The following PRSS48 variants were observed in gnomAD, a reference collection of about 807,000 sequenced individuals.
PRSS48 encodes the protein epidermis-specific serine protease-like protein.
A neutral mutation model predicts 25.6 loss-of-function variants in PRSS48; 21 were observed. That is an observed-to-expected ratio of 0.82 (90% CI 0.58 to 1.18). The LOEUF (loss-of-function observed/expected upper bound fraction) is 1.18. Ranked by LOEUF, PRSS48 falls within the 50% of genes most tolerant of loss-of-function variation. PRSS48 has a pLI of 0.00. For synonymous variants in PRSS48, 150 were observed against 149.3 expected, an observed-to-expected ratio of 1.00 and a Z score of -0.04; for missense variants, 373 against 399.3, an observed-to-expected ratio of 0.93 and a Z score of 0.56.
At position 151,282,423 on chromosome 4, in the gene PRSS48, G is replaced by A. The variant is rs867906800; in HGVS notation, c.481+10G>A. ...GTTAAGGAAAGTTCAGGTGAGAATG[G>A]GCAGAGAGAAGGGTTGTTTCATATG... On this transcript the variant is annotated intron_variant, in intron 3 of 4. Coordinates refer to ENST00000455694, the Ensembl canonical transcript of PRSS48. The A allele has an allele frequency of 1.9e-6, 3 of 1,613,114 alleles. No homozygotes were observed. The highest frequency in any genetic ancestry group is 1.7e-6 in the Non-Finnish European group (2 of 1,179,386).
chr4:151,279,603 A>C (rs1375894148), intron 1 of PRSS48, among the ~76,000 whole-genome samples, 193 bp from the exon 2 acceptor site: 1 of 152,214 alleles, frequency 6.6e-6, no homozygotes, highest in Non-Finnish European at 1.5e-5. Flanking sequence ...AAAAAGAAAG[A>C]GCTACAATCA....
intron 1 of PRSS48, 63 bp downstream of exon 1, chr4:151,277,287 A>G: frequency 7.6e-7 from 1 of 1,315,656 alleles, no homozygotes. Flanking sequence ...AGGGCATCAC[A>G]TAGAACAATG....
chr4:151,287,603 T>C (rs1165769434), intron 4 of PRSS48, among the ~76,000 whole-genome samples: 1 of 152,122 alleles, frequency 6.6e-6, no homozygotes, highest in Non-Finnish European at 1.5e-5. Flanking sequence ...AATGGGTATG[T>C]GGGTTCTTTT....
At chr4:151,285,936 T>C (rs1774712258) in intron 4 of PRSS48, among the ~76,000 whole-genome samples, 1 of 151,490 alleles carries the variant, frequency 6.6e-6, no homozygotes, top group South Asian at 2.1e-4. Flanking sequence ...GGCACATACC[T>C]GTAATCGCAG....
chr4:151,286,982 A>AATT (rs1554067296), intron 4 of PRSS48, among the ~76,000 whole-genome samples: 9 of 141,834 alleles, frequency 6.3e-5, no homozygotes, highest in Non-Finnish European at 1.2e-4. Context: ...TCTGTCTCAA[A>AATT]AATAATAATA....
At chr4:151,288,832 A>G (rs1775066417) in intron 4 of PRSS48, among the ~76,000 whole-genome samples, 1 of 152,208 alleles carries the variant, frequency 6.6e-6, no homozygotes, top group Non-Finnish European at 1.5e-5. Flanking sequence ...TATTCTCCAA[A>G]TGGATCTACA....
At chr4:151,283,604 A>G (rs1774463711) in intron 4 of PRSS48, among the ~76,000 whole-genome samples, 1 of 147,856 alleles carries the variant, frequency 6.8e-6, no homozygotes, top group African/African-American at 2.5e-5. Flanking sequence ...TACAGCCTCC[A>G]GCTCCTGGGT....
chr4:151,285,839 C>T (rs965121661), intron 4 of PRSS48, among the ~76,000 whole-genome samples: 2 of 151,860 alleles, frequency 1.3e-5, no homozygotes, highest in African/African-American at 2.4e-5. Flanking sequence ...TGCACTCCAG[C>T]CAGGACAACA....
chr4:151,291,781 C>A (rs1329759652), downstream of PRSS48, among the ~76,000 whole-genome samples: 1 of 152,158 alleles, frequency 6.6e-6, no homozygotes, highest in African/African-American at 2.4e-5. Context: ...TGTGATGACA[C>A]AGGAAAATAT....
chr4:151,285,305 T>C (rs1168776300), intron 4 of PRSS48, among the ~76,000 whole-genome samples: 1 of 152,160 alleles, frequency 6.6e-6, no homozygotes, highest in East Asian at 1.9e-4. Context: ...GGAATATACT[T>C]TCCTCTTAAG....
intron 2 of PRSS48, 21 bp downstream of exon 2, chr4:151,279,979 A>G (rs1561426091): frequency 6.2e-7 from 1 of 1,611,416 alleles, no homozygotes; most frequent in South Asian, 1.1e-5. Context: ...GCTGGCAGCT[A>G]ACACACAGAC....
At chr4:151,283,034 G>C in intron 3 of PRSS48, 83 bp from the exon 4 acceptor site, 1 of 1,272,686 alleles carries the variant, frequency 7.9e-7, no homozygotes, top group Non-Finnish European at 1.1e-6. Context: ...TTCCCATTCA[G>C]AGACTTCTGC....
chr4:151,278,656 G>C (rs1416388472), intron 1 of PRSS48, among the ~76,000 whole-genome samples: 1 of 151,318 alleles, frequency 6.6e-6, no homozygotes, highest in Non-Finnish European at 1.5e-5. Flanking sequence ...TTTCAGACAG[G>C]GTCTCACTCT....
chr4:151,287,873 CCT>C (rs1372534525), intron 4 of PRSS48, among the ~76,000 whole-genome samples: 2 of 151,976 alleles, frequency 1.3e-5, no homozygotes, highest in Non-Finnish European at 2.9e-5. Context: ...AAGTGAGACC[CCT>C]CTCTCTTTTT....
Position 151,279,870 on chromosome 4 carries a change from G to GTCAGA in PRSS48, c.131_132insATCAG (p.Ser44ArgfsTer21), listed in dbSNP as rs2150006306. ...TGCTGCAGGGCGCTGGCCTTGGCAG[G>GTCAGA]TCAGCCTACACTTTGACCACAACTT... On this transcript the variant is annotated frameshift_variant, in exon 2 of 5. Coordinates refer to ENST00000455694, the Ensembl canonical transcript of PRSS48. LOFTEE classifies it high-confidence loss of function. The GTCAGA allele has an allele frequency of 1.2e-6, 2 of 1,613,926 alleles. No individual in the cohort carries two copies. Among genetic ancestry groups the GTCAGA allele is most frequent in the Non-Finnish European group, 1.7e-6 (2 of 1,179,880 alleles).
At chr4:151,282,555 A>T (rs1429604146) in intron 3 of PRSS48, 142 bp downstream of exon 3, 1 of 830,602 alleles carries the variant, frequency 1.2e-6, no homozygotes, top group Non-Finnish European at 1.8e-6. Context: ...ATAAGTTTTT[A>T]AATAAAATAT....
downstream of PRSS48, among the ~76,000 whole-genome samples, chr4:151,291,662 A>G (rs1464153345): frequency 1.3e-5 from 2 of 152,202 alleles, no homozygotes; most frequent in Non-Finnish European, 1.5e-5. Context: ...TGTAGACACA[A>G]ATTAAATAGC....
chr4:151,289,935 G>T (rs1046587871), intron 4 of PRSS48, among the ~76,000 whole-genome samples: 1 of 151,964 alleles, frequency 6.6e-6, no homozygotes, highest in African/African-American at 2.4e-5. Flanking sequence ...AGAAAAAACC[G>T]GTACACAAGT....
At chr4:151,288,310 A>T (rs1775014621) in intron 4 of PRSS48, among the ~76,000 whole-genome samples, 1 of 152,256 alleles carries the variant, frequency 6.6e-6, no homozygotes, top group Non-Finnish European at 1.5e-5. Flanking sequence ...AAAGACATCC[A>T]GATTGCAAAG....
Sources: allele counts gnomAD v4.1 joint callset (sites outside exome capture counted in the v4.1 genomes callset), GRCh38; gene constraint gnomAD v4.1.1; transcripts MANE v1.5; gene names NCBI Gene and HGNC (gene_info 2026-07-23, HGNC 2026-07-21).